The following SHLD1 variants were observed in gnomAD, a reference collection of about 807,000 sequenced individuals.
SHLD1 encodes RINN1-REV7-interacting novel NHEJ regulator 3.
A neutral mutation model predicts 5.5 loss-of-function variants in SHLD1; 3 were observed. That is an observed-to-expected ratio of 0.54 (90% confidence interval 0.25 to 1.40). The LOEUF is 1.40. SHLD1 is among the 40% of genes most tolerant of loss of function. SHLD1 has a pLI of 0.15. For synonymous variants in SHLD1, 92 were observed against 94.3 expected (o/e 0.98, Z 0.14); for missense variants, 210 against 244.4 (o/e 0.86, Z 0.94).
intron 2 of SHLD1, 120 bp downstream of exon 2, chr20:5,773,163 C>A: frequency 8.7e-7 from 1 of 1,149,714 alleles, no homozygotes; most frequent in Non-Finnish European, 1.3e-6. Context: ...TTGTCTTAGG[C>A]AGAAAAACAT....
At chr20:5,844,357 C>T (rs895575885) in intron 2 of SHLD1, among the ~76,000 whole-genome samples, 5 of 152,186 alleles carry the variant, frequency 3.3e-5, no homozygotes, top group African/African-American at 1.2e-4. Context: ...TAATAGCTGT[C>T]ATCAACTTAC....
intron 1 of SHLD1, among the ~76,000 whole-genome samples, chr20:5,763,111 A>C (rs1984566911): frequency 1.3e-5 from 2 of 152,054 alleles, no homozygotes; most frequent in African/African-American, 4.8e-5. Flanking sequence ...GTTCGAGACC[A>C]GCCTGACCAA....
chr20:5,803,787 G>A (rs545692968), intron 2 of SHLD1, among the ~76,000 whole-genome samples: 87 of 150,946 alleles, frequency 5.8e-4, no homozygotes, highest in African/African-American at 2.0e-3. Context: ...CAGGAGAATC[G>A]CTTGAAGCTG....
At chr20:5,814,245 C>T (rs1294698) in intron 2 of SHLD1, among the ~76,000 whole-genome samples, 29,216 of 151,842 alleles carry the variant, frequency 0.19, 3,285 homozygotes, top group Non-Finnish European at 0.24. Context: ...CATGAGCCAC[C>T]GCGCCCGACC....
chr20:5,763,851 G>A (rs1457011635), intron 1 of SHLD1, among the ~76,000 whole-genome samples: 2 of 148,718 alleles, frequency 1.3e-5, no homozygotes, highest in Non-Finnish European at 3.0e-5. Flanking sequence ...GCTCACGCCT[G>A]TAATCCCAGC....
chr20:5,801,130 TGCA>T (rs2087288332), intron 2 of SHLD1, among the ~76,000 whole-genome samples: 1 of 148,670 alleles, frequency 6.7e-6, no homozygotes, highest in Non-Finnish European at 1.5e-5. Context: ...CAGGCTGGAG[TGCA>T]GTGGTGCGAT....
chr20:5,812,015 A>C (rs1387123699), intron 2 of SHLD1, among the ~76,000 whole-genome samples: 1 of 152,032 alleles, frequency 6.6e-6, no homozygotes, highest in African/African-American at 2.4e-5. Context: ...TATGAAGGGT[A>C]AGTGGGATAA....
chr20:5,802,336 A>G (rs988939404), intron 2 of SHLD1, among the ~76,000 whole-genome samples: 1 of 152,096 alleles, frequency 6.6e-6, no homozygotes, highest in African/African-American at 2.4e-5. Context: ...GGGTCTCTTG[A>G]GACACTGTTA....
At chr20:5,810,139 C>T (rs376074370) in intron 2 of SHLD1, among the ~76,000 whole-genome samples, 2 of 151,872 alleles carry the variant, frequency 1.3e-5, no homozygotes, top group African/African-American at 2.4e-5. Context: ...CGCCTGTAAT[C>T]GCAGCTACTT....
At position 5,764,138 on chromosome 20, in the gene SHLD1, AAATATATATATATTTATATT is replaced by A. The variant is rs1240854762; in HGVS notation, c.-4-8723_-4-8704del. ...CAAGGCTCTGTCTCAAAAAAAAAAA[AAATATATATATATTTATATT>A]TATATATATATATATATTTTTATAT... On this transcript the variant is annotated intron_variant, in intron 1 of 2. Coordinates refer to ENST00000303142, the MANE Select transcript of SHLD1 (RefSeq NM_152504.4). 1.7e-3 allele frequency among the ~76,000 whole-genome samples: 84 copies of A among 50,288 alleles called. 1 individual carries two copies. Among genetic ancestry groups the A allele is most frequent in the Admixed American group, 2.5e-3 (10 of 4,048 alleles). The allele number at this position is 50,288 out of a possible 152,430, so 33.0% of individuals were successfully genotyped here. A position where few individuals can be genotyped will look rare whatever the true frequency, so the allele number is the denominator to read the frequency against.
chr20:5,796,918 T>C (rs918470922), intron 2 of SHLD1, among the ~76,000 whole-genome samples: 1 of 151,712 alleles, frequency 6.6e-6, no homozygotes, highest in African/African-American at 2.4e-5. Flanking sequence ...TAAATCGGCA[T>C]ATCACTTTTC....
chr20:5,783,493 G>A (rs1275021445), intron 2 of SHLD1, among the ~76,000 whole-genome samples: 1 of 152,104 alleles, frequency 6.6e-6, no homozygotes, highest in Non-Finnish European at 1.5e-5. Context: ...CAAAGTGCTG[G>A]GATTATAGGC....
intron 1 of SHLD1, among the ~76,000 whole-genome samples, chr20:5,762,267 T>C (rs977510130): frequency 2.3e-4 from 35 of 151,970 alleles, no homozygotes; most frequent in Admixed American, 2.0e-4. Context: ...ATTCTTTTAT[T>C]TATTGACACC....
intron 2 of SHLD1, among the ~76,000 whole-genome samples, chr20:5,825,298 C>T (rs896913339): frequency 6.6e-6 from 1 of 152,218 alleles, no homozygotes; most frequent in Admixed American, 6.5e-5. Context: ...CCAGTCAATA[C>T]AGTCGGTAGC....
At chr20:5,824,849 A>G (rs2087648205) in intron 2 of SHLD1, among the ~76,000 whole-genome samples, 1 of 152,164 alleles carries the variant, frequency 6.6e-6, no homozygotes, top group Non-Finnish European at 1.5e-5. Context: ...TTTCAAATCT[A>G]AAGTTGTGGA....
At chr20:5,823,377 T>A (rs1394665133) in intron 2 of SHLD1, among the ~76,000 whole-genome samples, 2 of 152,102 alleles carry the variant, frequency 1.3e-5, no homozygotes, top group Admixed American at 6.5e-5. Context: ...CCTCAAGTGA[T>A]CCACCTGACT....
rs934989006 is a variant in SHLD1 at position 5,806,252 on chromosome 20, T to A, written c.178+33209T>A. ...ATGGGTGGACACATAGTAGCTGACA[T>A]AAGTGAGAATCTCCACCCACAAACT... On this transcript the variant is annotated intron_variant, in intron 2 of 2. Coordinates refer to ENST00000303142, the MANE Select transcript of SHLD1 (RefSeq NM_152504.4). The surrounding 1 kb of genome is among the most constrained non-coding windows in gnomAD (Gnocchi z 7.6). Among the ~76,000 whole-genome samples, 2 of 152,196 alleles carry A rather than the reference T, an allele frequency of 1.3e-5. No homozygotes were observed. The highest frequency in any genetic ancestry group is 6.5e-5 in the Admixed American group (1 of 15,276).
chr20:5,855,153 C>T lies in SHLD1; in HGVS notation c.179-7871C>T, dbSNP rs1344921211. Among the ~76,000 whole-genome samples the T allele has an allele frequency of 1.3e-5, 2 of 151,786 alleles. No homozygotes were observed. The highest frequency in any genetic ancestry group is 2.9e-5 in the Non-Finnish European group (2 of 67,958). ...TTGGCCTCCTAAAGTGCTGGGATTA[C>T]AGGTGTGAGCCATAGCACCCAACCC... On this transcript the variant is annotated intron_variant, in intron 2 of 2. Coordinates refer to ENST00000303142, the MANE Select transcript of SHLD1 (RefSeq NM_152504.4). The surrounding 1 kb of genome is among the most constrained non-coding windows in gnomAD (Gnocchi z 4.4).
intron 2 of SHLD1, among the ~76,000 whole-genome samples, chr20:5,795,195 C>T (rs529279286): frequency 6.6e-6 from 1 of 151,718 alleles, no homozygotes; most frequent in South Asian, 2.1e-4. Context: ...GCCGAGATCA[C>T]ACCACTGTAC....
Sources: allele counts gnomAD v4.1 joint callset (sites outside exome capture counted in the v4.1 genomes callset), GRCh38; gene constraint gnomAD v4.1.1; non-coding constraint Gnocchi (gnomAD v3.1); transcripts MANE v1.5; gene names NCBI Gene and HGNC (gene_info 2026-07-23, HGNC 2026-07-21).